DIAPH2: variants seen among roughly 807,000 people sequenced by gnomAD.
DIAPH2 encodes diaphanous related formin 2, also known as protein diaphanous homolog 2.
DIAPH2 carries 35 observed loss-of-function variants against 92.7 expected under a neutral mutation model. That is an observed-to-expected ratio of 0.38 (90% CI 0.29 to 0.50). DIAPH2 has a LOEUF of 0.50. Ranked by LOEUF, DIAPH2 falls within the 20% of genes least tolerant of loss-of-function variation. DIAPH2 has a pLI of 0.94. For missense variants in DIAPH2, 701 were observed against 819.5 expected (o/e 0.86, Z 1.77); for synonymous variants, 301 against 280.4 (o/e 1.07, Z -0.73).
At chrX:96,863,648 T>C (rs1346979187) in intron 4 of DIAPH2, among the ~76,000 whole-genome samples, 2 of 111,189 alleles carry the variant, frequency 1.8e-5, no homozygotes, top group African/African-American at 6.5e-5. Context: ...GTTGAAATCA[T>C]TTTTTACCTA....
chrX:97,032,676 C>T (rs937927366), intron 17 of DIAPH2, among the ~76,000 whole-genome samples: 1 of 111,001 alleles, frequency 9.0e-6, no homozygotes, highest in African/African-American at 3.3e-5. Context: ...CACTCAAGTC[C>T]ACAAATCTTA....
At chrX:97,293,215 T>G (rs1052323684) in intron 23 of DIAPH2, among the ~76,000 whole-genome samples, 3 of 110,181 alleles carry the variant, frequency 2.7e-5, no homozygotes, top group African/African-American at 6.6e-5. Context: ...TGTTTTTATT[T>G]TAGGCCTGTC....
intron 26 of DIAPH2, among the ~76,000 whole-genome samples, chrX:97,579,508 T>C (rs2147878689): frequency 9.0e-6 from 1 of 111,402 alleles, no homozygotes; most frequent in Non-Finnish European, 1.9e-5. Flanking sequence ...GAGGGCTCTG[T>C]TCTGTTCCAT....
chrX:97,044,089 C>A (rs1039732535), intron 17 of DIAPH2, among the ~76,000 whole-genome samples: 1 of 111,848 alleles, frequency 8.9e-6, no homozygotes, highest in Non-Finnish European at 1.9e-5. Flanking sequence ...TACTTGTGAA[C>A]CATTGTAACA....
At chrX:96,730,892 G>A (rs1478195568) in intron 1 of DIAPH2, among the ~76,000 whole-genome samples, 2 of 110,827 alleles carry the variant, frequency 1.8e-5, no homozygotes, top group Admixed American at 9.6e-5. Flanking sequence ...AAGAGAGTCA[G>A]TGAAGGGAGG....
chrX:96,701,289 A>G (rs1000070743), intron 1 of DIAPH2, among the ~76,000 whole-genome samples: 1 of 111,748 alleles, frequency 8.9e-6, no homozygotes, highest in Non-Finnish European at 1.9e-5. Flanking sequence ...ACATAAGTAT[A>G]TACAGGTCTT....
intron 4 of DIAPH2, among the ~76,000 whole-genome samples, chrX:96,831,677 G>A (rs779132716): frequency 8.9e-6 from 1 of 112,121 alleles, no homozygotes; most frequent in Non-Finnish European, 1.9e-5. Context: ...CCATCTCAGT[G>A]AATGAGGTAG....
chrX:97,444,955 G>C (rs942616188), intron 26 of DIAPH2, among the ~76,000 whole-genome samples: 3 of 110,254 alleles, frequency 2.7e-5, no homozygotes, highest in African/African-American at 9.9e-5. Flanking sequence ...TTAGTGACTG[G>C]GTATAATAAA....
chrX:97,353,635 C>T (rs1028112226), intron 24 of DIAPH2, among the ~76,000 whole-genome samples: 1 of 110,626 alleles, frequency 9.0e-6, no homozygotes, highest in South Asian at 3.8e-4. Context: ...AAAATGTTAC[C>T]GTTGCTTTTA....
intron 26 of DIAPH2, among the ~76,000 whole-genome samples, chrX:97,537,925 C>T (rs1018921921): frequency 1.9e-5 from 2 of 103,389 alleles, no homozygotes; most frequent in Admixed American, 1.1e-4. Flanking sequence ...CGTTCTGTTG[C>T]CCAGGCTGGA....
At chrX:96,949,063 T>A in intron 15 of DIAPH2, 24 bp downstream of exon 15, 1 of 1,040,787 alleles carries the variant, frequency 9.6e-7, no homozygotes. Flanking sequence ...ATATAGACTT[T>A]GTGTCATGTC....
chrX:97,500,783 T>TATAG (rs1481403464), intron 26 of DIAPH2, among the ~76,000 whole-genome samples: 2 of 92,769 alleles, frequency 2.2e-5, no homozygotes, highest in African/African-American at 3.9e-5. Flanking sequence ...TATATATATA[T>TATAG]ATATATATAT....
chrX:96,991,537 G>GTCTTTTTTTTTT (rs760118984), intron 17 of DIAPH2, among the ~76,000 whole-genome samples: 2 of 56,887 alleles, frequency 3.5e-5, no homozygotes, highest in Non-Finnish European at 6.2e-5. Context: ...CTGTTTTATG[G>GTCTTTTTTTTTT]TGTTTTTTTT....
chrX:96,886,890 A>G (rs1046020072), intron 5 of DIAPH2, among the ~76,000 whole-genome samples: 1 of 101,056 alleles, frequency 9.9e-6, no homozygotes. Context: ...TACTAGGAGC[A>G]TGCGGAGGGG....
chrX:97,486,919 C>G, intron 26 of DIAPH2, among the ~76,000 whole-genome samples: 1 of 111,940 alleles, frequency 8.9e-6, no homozygotes, highest in Non-Finnish European at 1.9e-5. Context: ...CAGCAACTCC[C>G]CACTCCTCCT....
intron 1 of DIAPH2, among the ~76,000 whole-genome samples, chrX:96,732,175 A>T (rs2064059613): frequency 9.0e-6 from 1 of 111,322 alleles, no homozygotes; most frequent in African/African-American, 3.3e-5. Flanking sequence ...AATGAAAAAA[A>T]TTTTTTTGGT....
intron 21 of DIAPH2, among the ~76,000 whole-genome samples, chrX:97,132,597 G>A (rs1165722257): frequency 2.7e-5 from 3 of 111,866 alleles, no homozygotes; most frequent in Non-Finnish European, 5.6e-5. Flanking sequence ...GAATTCTTGT[G>A]CTGTATCAAG....
At chrX:96,991,689 A>C (rs1437328966) in intron 17 of DIAPH2, among the ~76,000 whole-genome samples, 7 of 110,498 alleles carry the variant, frequency 6.3e-5, no homozygotes. Flanking sequence ...GCATCACATC[A>C]GTAGCTTTAA....
chrX:97,371,307 C>A (rs750613815), intron 24 of DIAPH2, among the ~76,000 whole-genome samples: 1 of 111,359 alleles, frequency 9.0e-6, no homozygotes, highest in Non-Finnish European at 1.9e-5. Context: ...CAGTACTCTA[C>A]AAGCTAAGAA....
Sources: gnomAD v4.1 joint callset for allele counts (sites outside exome capture counted in the v4.1 genomes callset) on GRCh38, gnomAD v4.1.1 for gene constraint, MANE v1.5 for transcripts, NCBI Gene and HGNC (gene_info 2026-07-23, HGNC 2026-07-21) for gene names.